TOP2B: variants seen among roughly 807,000 people sequenced by gnomAD.
The protein encoded by TOP2B is DNA topoisomerase II beta.
A neutral mutation model predicts 193.5 loss-of-function variants in TOP2B; 51 were observed. That is an observed-to-expected ratio of 0.26 (90% confidence interval 0.21 to 0.33). The LOEUF (loss-of-function observed/expected upper bound fraction) is 0.33. Among genes scored for constraint, TOP2B ranks in the 10% least tolerant of loss-of-function variants. TOP2B has a pLI of 1.00. For missense variants in TOP2B, 1,378 were observed against 1,909.3 expected, an observed-to-expected ratio of 0.72 and a Z score of 5.19; for synonymous variants, 634 against 635.7, an observed-to-expected ratio of 1.00 and a Z score of 0.04.
intron 7 of TOP2B, among the ~76,000 whole-genome samples, chr3:25,634,991 T>C (rs1049361762): frequency 2.6e-5 from 4 of 152,002 alleles, no homozygotes; most frequent in African/African-American, 7.2e-5. Context: ...GACTGGGATG[T>C]AATGAGACAT....
intron 10 of TOP2B, 88 bp downstream of exon 10, chr3:25,632,358 A>C: frequency 8.4e-7 from 1 of 1,184,714 alleles, no homozygotes; most frequent in South Asian, 1.5e-5. Flanking sequence ...AATACGATGA[A>C]AGAAACTAAT....
intron 35 of TOP2B, among the ~76,000 whole-genome samples, chr3:25,598,867 G>A (rs73153307): frequency 1.3e-5 from 2 of 152,288 alleles, no homozygotes; most frequent in African/African-American, 4.8e-5. Flanking sequence ...TAGTATGTGT[G>A]CACTGTAAGT....
At position 25,620,066 on chromosome 3, in the gene TOP2B, T is replaced by TG; in HGVS notation, c.2863-5_2863-4insC. 1 of 1,458,914 alleles carries TG rather than the reference T, an allele frequency of 6.9e-7. No individual in the cohort carries two copies. The highest frequency in any genetic ancestry group is 9.3e-7 in the Non-Finnish European group (1 of 1,070,630). The allele number at this position is 1,458,914 out of a possible 1,614,324, so 90.4% of individuals were successfully genotyped here. A position where few individuals can be genotyped will look rare whatever the true frequency, so the allele number is the denominator to read the frequency against. ...CTAAAACCTGTTCTTTATATACCTA[T>TG]AAAGATTTAAAAATTAGTGATTCTT... On this transcript the variant is annotated splice_region_variant and splice_polypyrimidine_tract_variant and intron_variant, in intron 22 of 35. Transcript: ENST00000264331.
chr3:25,658,070 A>T (rs1053927747), intron 1 of TOP2B, among the ~76,000 whole-genome samples: 4 of 74,588 alleles, frequency 5.4e-5, no homozygotes, highest in Non-Finnish European at 7.6e-5. Flanking sequence ...CAAAAAAAAA[A>T]AAAAAAAATT....
Position 25,638,196 on chromosome 3 carries a change from A to G in TOP2B, c.510T>C (p.Ser170=), listed in dbSNP as rs1308044550. 4.5e-6 allele frequency: 7 copies of G among 1,567,356 alleles called. No homozygotes were observed. The highest frequency in any genetic ancestry group is 6.1e-6 in the Non-Finnish European group (7 of 1,154,394). ...ALIFGQLLTS[S]NYDDDEKKVT... ...CTTTTTTCTCATCATCATCATAGTTACTGGATGTTAAAAGCTGTCCAAAAA... is the reference window on the plus strand; with the variant it reads ...CTTTTTTCTCATCATCATCATAGTTGCTGGATGTTAAAAGCTGTCCAAAAA... The change falls in exon 5 of 36, where the codon AGT becomes AGC. Residue 170 remains serine (S), a synonymous_variant. Coordinates refer to ENST00000264331, the MANE Select transcript of TOP2B (RefSeq NM_001330700.2).
At chr3:25,613,200 A>C (rs1337204366) in intron 27 of TOP2B, among the ~76,000 whole-genome samples, 1 of 152,252 alleles carries the variant, frequency 6.6e-6, no homozygotes, top group Non-Finnish European at 1.5e-5. Flanking sequence ...GATTGAACTC[A>C]GGCAGGTCTA....
chr3:25,631,805 G>A (rs1174536957), intron 10 of TOP2B, among the ~76,000 whole-genome samples: 1 of 151,954 alleles, frequency 6.6e-6, no homozygotes, highest in East Asian at 1.9e-4. Context: ...TATTTCTACA[G>A]GCCTTAAGTT....
In TOP2B at chr3:25,653,886, G is replaced by C. The variant is rs547103938; in HGVS notation, c.70-8416C>G. The stretch of plus-strand genomic sequence containing the variant: ...TATCATCTCAATTGATGTGCAAAAA[G>C]CATTTGACAAAATTCAACACACTTT... On this transcript the variant is annotated intron_variant, in intron 1 of 35. Transcript: ENST00000264331. Among the ~76,000 whole-genome samples the C allele has an allele frequency of 3.3e-5, 5 of 152,236 alleles. No homozygotes were observed. The East Asian group carries it at 9.6e-4, about 29-fold the overall frequency.
chr3:25,631,798 T>C (rs763899756), intron 10 of TOP2B, among the ~76,000 whole-genome samples: 1 of 152,078 alleles, frequency 6.6e-6, no homozygotes, highest in Non-Finnish European at 1.5e-5. Context: ...AAAGTACTAT[T>C]TCTACAGGCC....
chr3:25,602,985 TG>T (rs1702146464), intron 33 of TOP2B, among the ~76,000 whole-genome samples: 1 of 152,186 alleles, frequency 6.6e-6, no homozygotes, highest in Non-Finnish European at 1.5e-5. Flanking sequence ...CTGGGGTCCC[TG>T]AAATCACACC....
At chr3:25,634,924 A>G (rs1281372009) in intron 7 of TOP2B, among the ~76,000 whole-genome samples, 2 of 151,978 alleles carry the variant, frequency 1.3e-5, no homozygotes, top group Non-Finnish European at 2.9e-5. Context: ...TATGGAGGAG[A>G]GGCATAAACT....
chr3:25,598,569 G>C (rs1575557053), intron 35 of TOP2B, 92 bp from the exon 36 acceptor site: 1 of 967,182 alleles, frequency 1.0e-6, no homozygotes, highest in East Asian at 2.9e-5. Flanking sequence ...TTATGTTTAG[G>C]AAGTATTACA....
intron 1 of TOP2B, among the ~76,000 whole-genome samples, chr3:25,656,264 T>C (rs1703743349): frequency 6.6e-6 from 1 of 152,142 alleles, no homozygotes; most frequent in African/African-American, 2.4e-5. Context: ...ATGGAAGTCA[T>C]TTGCAGATAT....
At chr3:25,624,646 T>C in intron 19 of TOP2B, 36 bp downstream of exon 19, 1 of 1,607,404 alleles carries the variant, frequency 6.2e-7, no homozygotes, top group Non-Finnish European at 8.5e-7. Context: ...AAGACAATAA[T>C]TACAGTTCTC....
In TOP2B at chr3:25,664,536, CG is replaced by C; in HGVS notation, c.-240del. On this transcript the variant is annotated 5_prime_UTR_variant, in exon 1 of 36. Coordinates refer to ENST00000264331, the MANE Select transcript of TOP2B (RefSeq NM_001330700.2). ...GCGTCCGCGTCGCCCGGGCCTAGCG[CG>C]GCGGCTGAGGAGAAAGCAGGGAGCG... is the stretch of plus-strand genomic sequence containing the variant. 8.8e-7 allele frequency: 1 copy of C among 1,132,062 alleles called. No homozygotes were observed. Among genetic ancestry groups the C allele is most frequent in the Non-Finnish European group, 1.1e-6 (1 of 925,402 alleles). The allele number at this position is 1,132,062 out of a possible 1,614,324, so 70.1% of individuals were successfully genotyped here.
chr3:25,624,777 A>T lies in TOP2B; in HGVS notation c.2251T>A (p.Leu751Ile), dbSNP rs200930765. ...DGFKPGQRKVLFTCFKRNDKR... is the reference protein window; with the variant it reads ...DGFKPGQRKVIFTCFKRNDKR... ...TCATTCCTCTTGAAACAGGTAAATA[A>T]AACTTTCCGCTGGCCAGGTTTAAAG... The change falls in exon 19 of 36, where the codon TTA (leucine) becomes ATA (isoleucine). Residue 751 changes from leucine (L) to isoleucine (I), a missense_variant. Around this residue, in one of 9 missense-constraint regions of TOP2B, gnomAD observed 379 missense variants for 615.1 expected, o/e 0.62. Transcript: ENST00000264331. 1.9e-3 allele frequency: 3,048 copies of T among 1,613,524 alleles called. 3 individuals are homozygous for T. Among genetic ancestry groups the T allele is most frequent in the Non-Finnish European group, 2.4e-3 (2,856 of 1,179,632 alleles).
chr3:25,605,994 C>T, intron 32 of TOP2B, 49 bp downstream of exon 32: 1 of 1,056,218 alleles, frequency 9.5e-7, no homozygotes. Context: ...TTCTCTCCAC[C>T]ACTAAAAGCA....
intron 1 of TOP2B, among the ~76,000 whole-genome samples, chr3:25,652,211 C>G (rs1703611912): frequency 6.6e-6 from 1 of 152,000 alleles, no homozygotes; most frequent in African/African-American, 2.4e-5. Context: ...AGAGAGAGAC[C>G]AACACAATAA....
At chr3:25,644,131 G>C (rs374970884) in intron 2 of TOP2B, among the ~76,000 whole-genome samples, 2 of 150,742 alleles carry the variant, frequency 1.3e-5, no homozygotes, top group East Asian at 3.9e-4. Context: ...ACAGGGAGCA[G>C]AGTAAAATAA....
Sources: allele counts gnomAD v4.1 joint callset (sites outside exome capture counted in the v4.1 genomes callset), GRCh38; gene constraint gnomAD v4.1.1; regional missense constraint gnomAD v4.1.1; transcripts MANE v1.5; gene names NCBI Gene and HGNC (gene_info 2026-07-23, HGNC 2026-07-21).